The following PALLD variants were observed in gnomAD, a reference collection of about 807,000 sequenced individuals.
PALLD encodes the protein palladin, cytoskeletal associated protein, also known as palladin.
Under a neutral mutation model 123.5 loss-of-function variants are expected in PALLD, and 61 were observed. The observed-to-expected ratio is 0.49, with a 90% CI of 0.40 to 0.61. The LOEUF is 0.61. Among genes scored for constraint, PALLD ranks in the 20% least tolerant of loss-of-function variants. The probability of loss-of-function intolerance (pLI) is 0.00; values close to 1 mark genes in which losing one functional copy is unlikely to be tolerated. For synonymous variants in PALLD, 465 were observed against 496.4 expected (o/e 0.94, Z 0.84); for missense variants, 1,273 against 1,377.0 (o/e 0.92, Z 1.20).
intron 10 of PALLD, among the ~76,000 whole-genome samples, chr4:168,735,067 G>A (rs1396424253): frequency 6.6e-6 from 1 of 152,168 alleles, no homozygotes; most frequent in African/African-American, 2.4e-5. Context: ...TCATTCTCAT[G>A]AATATCAAAG....
chr4:168,520,414 CCA>C (rs1005474725), intron 2 of PALLD, among the ~76,000 whole-genome samples: 2 of 151,564 alleles, frequency 1.3e-5, no homozygotes, highest in Non-Finnish European at 2.9e-5. Flanking sequence ...CTGACTCCTA[CCA>C]CACAATTTCT....
chr4:168,804,814 A>G (rs1050152524), intron 10 of PALLD, among the ~76,000 whole-genome samples: 6 of 152,354 alleles, frequency 3.9e-5, no homozygotes, highest in African/African-American at 1.4e-4. Flanking sequence ...GGGTAGATGT[A>G]TATTTTCTCT....
intron 12 of PALLD, 66 bp from the exon 13 acceptor site, chr4:168,896,483 A>C: frequency 1.0e-6 from 1 of 970,482 alleles, no homozygotes; most frequent in Non-Finnish European, 1.6e-6. Context: ...AAGGAAAATT[A>C]GAAATCTTGC....
At chr4:168,761,988 A>G (rs1419902228) in intron 10 of PALLD, among the ~76,000 whole-genome samples, 2 of 151,948 alleles carry the variant, frequency 1.3e-5, no homozygotes, top group Admixed American at 6.6e-5. Flanking sequence ...GTTTTCATTT[A>G]TAAGGGAAGA....
At chr4:168,600,091 G>GTGTGTATACACACACATATATACATA (rs1561291419) in intron 2 of PALLD, among the ~76,000 whole-genome samples, 1 of 133,792 alleles carries the variant, frequency 7.5e-6, no homozygotes, top group African/African-American at 2.6e-5. Flanking sequence ...ATATATACAT[G>GTGTGTATACACACACATATATACATA]CATGTGTATG....
At chr4:168,816,403 ATATATATATATTTT>A (rs1445815627) in intron 10 of PALLD, among the ~76,000 whole-genome samples, 3 of 137,342 alleles carry the variant, frequency 2.2e-5, no homozygotes, top group Non-Finnish European at 4.6e-5. Flanking sequence ...ATATATATAT[ATATATATATATTTT>A]TTTTAAGTAT....
chr4:168,848,504 C>T (rs919403574), intron 10 of PALLD, among the ~76,000 whole-genome samples: 3 of 113,842 alleles, frequency 2.6e-5, no homozygotes, highest in Non-Finnish European at 6.0e-5. Flanking sequence ...AGGCTTCTCA[C>T]ACCACCACTG....
At chr4:168,611,192 T>C (rs1436303470) in intron 2 of PALLD, among the ~76,000 whole-genome samples, 1 of 152,172 alleles carries the variant, frequency 6.6e-6, no homozygotes, top group Non-Finnish European at 1.5e-5. Flanking sequence ...TCCAAGAGCC[T>C]GCGCCATACT....
intron 10 of PALLD, among the ~76,000 whole-genome samples, chr4:168,767,499 T>C (rs1239151348): frequency 6.6e-6 from 1 of 152,090 alleles, no homozygotes; most frequent in Non-Finnish European, 1.5e-5. Context: ...TCAGCATTCA[T>C]GGTTTTCCTT....
chr4:168,805,309 G>A (rs1228477810), intron 10 of PALLD, among the ~76,000 whole-genome samples: 1 of 152,136 alleles, frequency 6.6e-6, no homozygotes, highest in Non-Finnish European at 1.5e-5. Context: ...CGGTTTCTTA[G>A]TAACCATTCT....
intron 2 of PALLD, chr4:168,631,651 G>C (rs999790792): frequency 1.0e-6 from 1 of 985,402 alleles, no homozygotes; most frequent in African/African-American, 1.7e-5. Context: ...CTCTCACCGA[G>C]CCTGAGTCGT....
At chr4:168,926,033 G>A (rs1023649586) in intron 21 of PALLD, among the ~76,000 whole-genome samples, 180 bp from the exon 22 acceptor site, 3 of 151,902 alleles carry the variant, frequency 2.0e-5, no homozygotes, top group Non-Finnish European at 2.9e-5. Context: ...ATCCTGTATA[G>A]ACAGTAAATC....
At chr4:168,835,732 T>C (rs775553822) in intron 10 of PALLD, among the ~76,000 whole-genome samples, 24 of 152,156 alleles carry the variant, frequency 1.6e-4, no homozygotes, top group Non-Finnish European at 3.2e-4. Context: ...ATAGTCTCGC[T>C]CTGTCACCCA....
At chr4:168,689,647 C>T (rs1782433784) in intron 6 of PALLD, among the ~76,000 whole-genome samples, 2 of 151,604 alleles carry the variant, frequency 1.3e-5, no homozygotes, top group South Asian at 4.2e-4. Context: ...AGGATTTCGC[C>T]ATGTTGGTCA....
intron 8 of PALLD, among the ~76,000 whole-genome samples, chr4:168,702,524 A>G (rs141868704): frequency 6.6e-6 from 1 of 152,302 alleles, no homozygotes; most frequent in African/African-American, 2.4e-5. Context: ...ATTGCACTCC[A>G]GCCTGGGCGA....
intron 4 of PALLD, among the ~76,000 whole-genome samples, chr4:168,681,842 A>G (rs969767468): frequency 4.7e-4 from 72 of 152,238 alleles, no homozygotes; most frequent in African/African-American, 1.7e-3. Flanking sequence ...ATGAGCCAAC[A>G]TGTCCAGCCC....
intron 10 of PALLD, among the ~76,000 whole-genome samples, chr4:168,749,053 T>C (rs1324111755): frequency 6.6e-6 from 1 of 152,098 alleles, no homozygotes; most frequent in Non-Finnish European, 1.5e-5. Flanking sequence ...TGAGAGGTGC[T>C]TGGGGCAGGA....
At chr4:168,773,768 C>T (rs1734767723) in intron 10 of PALLD, among the ~76,000 whole-genome samples, 1 of 152,128 alleles carries the variant, frequency 6.6e-6, no homozygotes, top group Admixed American at 6.5e-5. Flanking sequence ...TGCTGAGCCC[C>T]ACCCGGCCTC....
At chr4:168,588,410 T>C (rs544386939) in intron 2 of PALLD, among the ~76,000 whole-genome samples, 1 of 148,996 alleles carries the variant, frequency 6.7e-6, no homozygotes, top group African/African-American at 2.5e-5. Context: ...AGATACTTTT[T>C]ATTTTTTTTT....
Sources: allele counts gnomAD v4.1 joint callset (sites outside exome capture counted in the v4.1 genomes callset), GRCh38; gene constraint gnomAD v4.1.1; transcripts MANE v1.5; gene names NCBI Gene and HGNC (gene_info 2026-07-23, HGNC 2026-07-21).